TTLL9: variants seen among roughly 807,000 people sequenced by gnomAD.
The protein encoded by TTLL9 is probable tubulin polyglutamylase TTLL9.
Under a neutral mutation model 65.6 loss-of-function variants are expected in TTLL9, and 47 were observed. The ratio of observed to expected loss-of-function variants is 0.72; its 90% CI spans 0.57 to 0.91. TTLL9 has a LOEUF of 0.91. Ranked by LOEUF, TTLL9 falls within the 40% of genes least tolerant of loss-of-function variation. TTLL9 has a pLI of 0.00. For synonymous variants in TTLL9, 179 were observed against 204.8 expected (o/e 0.87, Z 1.07); for missense variants, 537 against 568.8 (o/e 0.94, Z 0.57).
chr20:31,937,578 G>A, intron 13 of TTLL9, 69 bp downstream of exon 13: 5 of 1,324,742 alleles, frequency 3.8e-6, no homozygotes, highest in Non-Finnish European at 5.3e-6. Context: ...AGGAAGAGGG[G>A]GAGCTTAGAA....
chr20:31,943,254 G>A lies in TTLL9; in HGVS notation c.*233G>A. On this transcript the variant is annotated 3_prime_UTR_variant, in exon 15 of 15. Transcript: ENST00000535842. ...CAGCCAATCACTGGGACTGGGGGAG[G>A]TTTAACCTTGACAAACTGACTTGGC... is the stretch of plus-strand genomic sequence containing the variant. The A allele has an allele frequency of 1.7e-6, 1 of 579,358 alleles. No homozygotes were observed. 35.9% of individuals were successfully genotyped at this position (579,358 alleles called of 1,614,324 possible).
intron 4 of TTLL9, among the ~76,000 whole-genome samples, chr20:31,904,767 T>G (rs980597720): frequency 6.6e-6 from 1 of 152,166 alleles, no homozygotes; most frequent in African/African-American, 2.4e-5. Flanking sequence ...TAGAGAAAGT[T>G]TTTCTCTTCC....
chr20:31,879,820 G>A (rs2063084334), intron 2 of TTLL9: 1 of 1,548,564 alleles, frequency 6.5e-7, no homozygotes, highest in African/African-American at 1.4e-5. Context: ...CCTTGGCAAC[G>A]GGACGCATAA....
intron 10 of TTLL9, among the ~76,000 whole-genome samples, chr20:31,930,259 C>A (rs1477017648): frequency 2.0e-5 from 3 of 152,128 alleles, no homozygotes; most frequent in African/African-American, 7.2e-5. Context: ...CTAGGTGAAG[C>A]AGATAGGGGC....
intron 10 of TTLL9, among the ~76,000 whole-genome samples, chr20:31,931,159 A>G (rs2064002966): frequency 7.0e-6 from 1 of 143,672 alleles, no homozygotes; most frequent in Non-Finnish European, 1.5e-5. Context: ...GGTTCACTAC[A>G]GCCTCCATCT....
chr20:31,943,319 C>T lies in TTLL9; in HGVS notation c.*298C>T. ...AGAACAAATACAGCAAGTTCTGCTA[C>T]CCCCAGGAGATCATATCTAATAAAT... On this transcript the variant is annotated 3_prime_UTR_variant, in exon 15 of 15. Transcript: ENST00000535842. 1 of 461,128 alleles carries T rather than the reference C, an allele frequency of 2.2e-6. No homozygotes were observed. Among genetic ancestry groups the T allele is most frequent in the South Asian group, 2.2e-5 (1 of 45,208 alleles). The allele number at this position is 461,128 out of a possible 1,614,324, so 28.6% of individuals were successfully genotyped here.
intron 7 of TTLL9, among the ~76,000 whole-genome samples, chr20:31,921,674 G>C (rs959843185): frequency 3.9e-5 from 6 of 152,140 alleles, no homozygotes; most frequent in Admixed American, 3.3e-4. Flanking sequence ...TCTTTTGTAG[G>C]GACATGGATG....
chr20:31,913,766 G>A (rs1007694095), intron 6 of TTLL9, among the ~76,000 whole-genome samples: 10 of 152,190 alleles, frequency 6.6e-5, no homozygotes, highest in Non-Finnish European at 1.5e-4. Flanking sequence ...CTTGGGTCTG[G>A]CATTTAAAAG....
chr20:31,913,668 C>T (rs928455527), intron 6 of TTLL9, among the ~76,000 whole-genome samples: 2 of 152,142 alleles, frequency 1.3e-5, no homozygotes, highest in Non-Finnish European at 2.9e-5. Flanking sequence ...AGCATCATTC[C>T]GTCTACACCA....
chr20:31,932,058 G>T (rs890039592), intron 10 of TTLL9, among the ~76,000 whole-genome samples: 24 of 152,108 alleles, frequency 1.6e-4, no homozygotes, highest in African/African-American at 5.8e-4. Context: ...TAATTTTTGG[G>T]CTGGGTGCAG....
At chr20:31,873,763 AG>A (rs1483188246) in intron 2 of TTLL9, among the ~76,000 whole-genome samples, 1 of 144,638 alleles carries the variant, frequency 6.9e-6, no homozygotes, top group Non-Finnish European at 1.5e-5. Context: ...AAAGAAAGAA[AG>A]AAAGAGAAAG....
intron 2 of TTLL9, among the ~76,000 whole-genome samples, chr20:31,880,830 C>T (rs1160468237): frequency 6.8e-6 from 1 of 147,208 alleles, no homozygotes; most frequent in African/African-American, 2.5e-5. Context: ...TGAATGGCAC[C>T]TTCATTTCTC....
chr20:31,880,148 C>T (rs2123383154), intron 2 of TTLL9, among the ~76,000 whole-genome samples: 1 of 152,292 alleles, frequency 6.6e-6, no homozygotes, highest in Non-Finnish European at 1.5e-5. Flanking sequence ...GTCCCGCGAG[C>T]CCGGCCAGCT....
chr20:31,896,862 T>C (rs1034849812), intron 3 of TTLL9, among the ~76,000 whole-genome samples: 1 of 152,216 alleles, frequency 6.6e-6, no homozygotes, highest in Non-Finnish European at 1.5e-5. Flanking sequence ...GAACCAGCCT[T>C]GCCTACTGGA....
intron 11 of TTLL9, chr20:31,934,337 G>A (rs2064070894): frequency 1.9e-6 from 1 of 520,574 alleles, no homozygotes; most frequent in Admixed American, 2.3e-5. Context: ...TCCCACAGTG[G>A]GGCCCTTGTG....
At chr20:31,876,785 C>G (rs532488702) in intron 2 of TTLL9, among the ~76,000 whole-genome samples, 1 of 152,316 alleles carries the variant, frequency 6.6e-6, no homozygotes, top group South Asian at 2.1e-4. Flanking sequence ...CGTTTCCCCA[C>G]GTCCTCACTA....
intron 2 of TTLL9, among the ~76,000 whole-genome samples, chr20:31,886,417 AG>A (rs1218245676): frequency 6.6e-6 from 1 of 152,210 alleles, no homozygotes; most frequent in Non-Finnish European, 1.5e-5. Flanking sequence ...CCACCCACTG[AG>A]GATTTGAAAG....
intron 3 of TTLL9, among the ~76,000 whole-genome samples, chr20:31,888,307 T>A (rs2063229056): frequency 6.6e-6 from 1 of 152,210 alleles, no homozygotes; most frequent in Non-Finnish European, 1.5e-5. Flanking sequence ...CCATACTGAC[T>A]ATCCCACCAA....
chr20:31,908,023 C>T (rs796736897), intron 4 of TTLL9, among the ~76,000 whole-genome samples: 18 of 152,232 alleles, frequency 1.2e-4, no homozygotes, highest in African/African-American at 2.6e-4. Context: ...AATTTGGAGC[C>T]GGCAGAGCTG....
Sources: gnomAD v4.1 joint callset for allele counts (sites outside exome capture counted in the v4.1 genomes callset) on GRCh38, gnomAD v4.1.1 for gene constraint, MANE v1.5 for transcripts, NCBI Gene and HGNC (gene_info 2026-07-23, HGNC 2026-07-21) for gene names.